The following FMN2 variants were observed in gnomAD, a reference collection of about 807,000 sequenced individuals.
The protein encoded by FMN2 is formin 2, also known as formin-2.
In FMN2, 51 loss-of-function variants were observed where a neutral mutation model predicts 142.3. The observed-to-expected ratio is 0.36, with a 90% CI of 0.29 to 0.45. The LOEUF (loss-of-function observed/expected upper bound fraction) is 0.45, where lower values mean the gene tolerates loss of function less well. FMN2 is among the 20% of genes least tolerant of loss of function. The pLI, the probability that FMN2 is intolerant of heterozygous loss-of-function variation, is 1.00. For missense variants in FMN2, 1,936 were observed against 2,122.8 expected (o/e 0.91, Z 1.73); for synonymous variants, 882 against 869.8 (o/e 1.01, Z -0.25).
intron 15 of FMN2, among the ~76,000 whole-genome samples, chr1:240,433,076 T>C (rs574535031): frequency 7.9e-4 from 121 of 152,324 alleles, no homozygotes; most frequent in African/African-American, 2.7e-3. Context: ...TCCAATTCGA[T>C]GATGATTTTT....
intron 8 of FMN2, among the ~76,000 whole-genome samples, chr1:240,304,219 T>G (rs1253578865): frequency 6.6e-6 from 1 of 152,226 alleles, no homozygotes; most frequent in Non-Finnish European, 1.5e-5. Context: ...GTGCATACTT[T>G]TGTTTCTTTG....
rs976305092 is a variant in FMN2 at position 240,230,356 on chromosome 1, C to A, written c.4065+19121C>A. On this transcript the variant is annotated intron_variant, in intron 6 of 17. Transcript: ENST00000319653. ...ACAACAACAACAACAAAAAAACTAA[C>A]CCAATAGCTTATAGAAAAGAAAGAG... Among the ~76,000 whole-genome samples, 7 of 123,806 alleles carry A rather than the reference C, an allele frequency of 5.7e-5. 2 individuals carry two copies. The East Asian group carries it at 1.6e-3, about 28-fold the overall frequency. 81.2% of individuals were successfully genotyped at this position (123,806 alleles called of 152,430 possible). A position where few individuals can be genotyped will look rare whatever the true frequency, so the allele number is the denominator to read the frequency against.
chr1:240,277,726 G>T (rs1414106929), intron 7 of FMN2, among the ~76,000 whole-genome samples: 1 of 151,434 alleles, frequency 6.6e-6, no homozygotes, highest in Non-Finnish European at 1.5e-5. Flanking sequence ...GTAGAGACGA[G>T]GTTTCACCAT....
chr1:240,107,803 A>T (rs1304038159), intron 1 of FMN2, among the ~76,000 whole-genome samples: 4 of 152,188 alleles, frequency 2.6e-5, no homozygotes, highest in Admixed American at 2.6e-4. Context: ...TATAAATTTT[A>T]ATAGACATGT....
At chr1:240,457,805 A>G (rs1458478868) in intron 16 of FMN2, 2 of 152,440 alleles carry the variant, frequency 1.3e-5, no homozygotes, top group Non-Finnish European at 2.9e-5. Context: ...GAGGTAGAAG[A>G]TGAATTCGGA....
At chr1:240,116,285 C>T (rs187451294) in intron 1 of FMN2, among the ~76,000 whole-genome samples, 17 of 152,276 alleles carry the variant, frequency 1.1e-4, no homozygotes, top group Admixed American at 2.6e-4. Context: ...GTATGGGGCC[C>T]CTTCTTCCAT....
chr1:240,439,469 A>T (rs2103183312), intron 16 of FMN2, among the ~76,000 whole-genome samples: 1 of 152,276 alleles, frequency 6.6e-6, no homozygotes, highest in East Asian at 1.9e-4. Context: ...ACATTTATAG[A>T]GCCTGTAAAC....
At chr1:240,289,681 C>G (rs915689866) in intron 7 of FMN2, among the ~76,000 whole-genome samples, 6 of 151,844 alleles carry the variant, frequency 4.0e-5, no homozygotes, top group African/African-American at 1.5e-4. Flanking sequence ...CCCTGTCACT[C>G]TGTCTCTCTC....
chr1:240,139,928 G>A (rs1317277588), intron 2 of FMN2, among the ~76,000 whole-genome samples: 3 of 152,162 alleles, frequency 2.0e-5, no homozygotes, highest in Non-Finnish European at 4.4e-5. Context: ...AGGGTGAATG[G>A]TAGAAAGGAG....
chr1:240,374,046 C>T (rs1287173550), intron 14 of FMN2, among the ~76,000 whole-genome samples: 1 of 152,150 alleles, frequency 6.6e-6, no homozygotes. Flanking sequence ...TTAAAAACAT[C>T]TCCATCAGAG....
chr1:240,148,263 GAGAC>G (rs1267110772), intron 2 of FMN2, among the ~76,000 whole-genome samples: 3 of 147,486 alleles, frequency 2.0e-5, no homozygotes, highest in Non-Finnish European at 4.5e-5. Flanking sequence ...GATAGACAGA[GAGAC>G]AGAGATAGAC....
In FMN2 at chr1:240,093,062, C is replaced by T. The variant is rs769703635; in HGVS notation, c.953C>T (p.Pro318Leu). The change falls in exon 1 of 18, where the codon CCC (proline) becomes CTC (leucine). Residue 318 changes from proline to leucine, a missense_variant. Around this residue, in one of 8 missense-constraint regions of FMN2, gnomAD observed 751 missense variants for 791.8 expected, o/e 0.95. Transcript: ENST00000319653. ...GCGCAACCCGCGGCCAAAGACTCGCCCTCCTCCACGGCTTTCCCATTTCCC... is the reference window on the plus strand; with the variant it reads ...GCGCAACCCGCGGCCAAAGACTCGCTCTCCTCCACGGCTTTCCCATTTCCC... ...PAAQPAAKDS[P>L]SSTAFPFPEA... The T allele has an allele frequency of 1.2e-4, 169 of 1,394,666 alleles. No individual in the cohort carries two copies. Among genetic ancestry groups the T allele is most frequent in the Non-Finnish European group, 1.5e-4 (158 of 1,084,248 alleles). 86.4% of individuals were successfully genotyped at this position (1,394,666 alleles called of 1,614,324 possible). A position where few individuals can be genotyped will look rare whatever the true frequency, so the allele number is the denominator to read the frequency against.
At chr1:240,302,004 G>A (rs1472353115) in intron 8 of FMN2, among the ~76,000 whole-genome samples, 1 of 151,870 alleles carries the variant, frequency 6.6e-6, no homozygotes, top group Non-Finnish European at 1.5e-5. Flanking sequence ...TGACATACAT[G>A]TTACATCTTG....
chr1:240,172,930 T>TA (rs373855501), intron 2 of FMN2, among the ~76,000 whole-genome samples: 5 of 150,996 alleles, frequency 3.3e-5, no homozygotes, highest in Non-Finnish European at 7.4e-5. Context: ...CCCTTTTTTT[T>TA]GTTTTTTGTT....
intron 4 of FMN2, among the ~76,000 whole-genome samples, chr1:240,205,154 G>T (rs1444140166): frequency 6.6e-6 from 1 of 152,108 alleles, no homozygotes; most frequent in Non-Finnish European, 1.5e-5. Flanking sequence ...GGCCTATGGG[G>T]ATCATCTGGA....
intron 14 of FMN2, 67 bp from the exon 15 acceptor site, chr1:240,392,444 A>G: frequency 8.1e-7 from 1 of 1,240,668 alleles, no homozygotes; most frequent in African/African-American, 1.5e-5. Context: ...TGTAGGGCAG[A>G]TGTTGCTTGA....
intron 8 of FMN2, among the ~76,000 whole-genome samples, chr1:240,306,663 G>T (rs1670419565): frequency 6.6e-6 from 1 of 152,150 alleles, no homozygotes; most frequent in African/African-American, 2.4e-5. Context: ...TGGACATCTA[G>T]GTTTATTCCA....
chr1:240,367,295 G>T (rs935775402), intron 14 of FMN2, among the ~76,000 whole-genome samples: 1 of 151,982 alleles, frequency 6.6e-6, no homozygotes, highest in East Asian at 1.9e-4. Flanking sequence ...GAGTTATTAG[G>T]ACATCTTTAT....
Position 240,429,543 on chromosome 1 carries a change from A to T in FMN2, c.4911-8518A>T, listed in dbSNP as rs543775980. Among the ~76,000 whole-genome samples, 16 of 152,316 alleles carry T rather than the reference A, an allele frequency of 1.1e-4. No individual in the cohort carries two copies. The South Asian group carries it at 3.3e-3, about 32-fold the overall frequency. ...CTTTCAGTGGTTTCTTTTAAACCAA[A>T]ATATTAAAACAGTTGTGTTTCCCAA... On this transcript the variant is annotated intron_variant, in intron 15 of 17. Coordinates refer to ENST00000319653, the MANE Select transcript of FMN2 (RefSeq NM_020066.5).
Sources: gnomAD v4.1 joint callset for allele counts (sites outside exome capture counted in the v4.1 genomes callset) on GRCh38, gnomAD v4.1.1 for gene constraint, gnomAD v4.1.1 regional missense constraint, MANE v1.5 for transcripts, NCBI Gene and HGNC (gene_info 2026-07-23, HGNC 2026-07-21) for gene names.